C1QTNF12: variants seen among roughly 807,000 people sequenced by gnomAD.
C1QTNF12 encodes the protein adipolin.
In C1QTNF12, 39 loss-of-function variants were observed where a neutral mutation model predicts 34.3. The observed-to-expected ratio is 1.14, with a 90% CI of 0.88 to 1.49. The LOEUF is 1.49. Ranked by LOEUF, C1QTNF12 falls within the 40% of genes most tolerant of loss-of-function variation. The probability of loss-of-function intolerance (pLI) is 0.00; values close to 1 mark genes in which losing one functional copy is unlikely to be tolerated. For missense variants in C1QTNF12, 497 were observed against 424.7 expected, an observed-to-expected ratio of 1.17 and a Z score of -1.50; for synonymous variants, 220 against 196.9, an observed-to-expected ratio of 1.12 and a Z score of -0.98.
At chr1:1,247,249 C>G (rs577786879), upstream of C1QTNF12, among the ~76,000 whole-genome samples, 754 of 152,336 alleles carry the variant, frequency 4.9e-3, 6 homozygotes, top group African/African-American at 0.017. Flanking sequence ...GGGCAGCTAC[C>G]AGCCAGCCAA....
Position 1,243,467 on chromosome 1 carries a change from T to TG in C1QTNF12, c.616dup (p.Gln206ProfsTer12). ...ACCCACGTGCAGACTGGCAGAGAAC[T>TG]GGAAGATGCCGGACACGGGGGCCGT... is the stretch of plus-strand genomic sequence containing the variant. On this transcript the variant is annotated frameshift_variant, in exon 5 of 8. Transcript: ENST00000330388. LOFTEE classifies it high-confidence loss of function. 6 of 1,558,564 alleles carry TG rather than the reference T, an allele frequency of 3.8e-6. No homozygotes were observed. The highest frequency in any genetic ancestry group is 5.2e-6 in the Non-Finnish European group (6 of 1,151,314).
chr1:1,243,128 G>T lies in C1QTNF12; in HGVS notation c.665C>A (p.Ala222Asp). ...CACCACGTCCCGGGCCCGCAGCCGG[G>T]CCTTGCCCTGCAGCTCACTGTGGTC... Reference protein sequence around the residue: ...HVDHSELQGKARLRARDVVCV... With the variant: ...HVDHSELQGKDRLRARDVVCV... The change falls in exon 6 of 8, where the codon GCC (alanine) becomes GAC (aspartate). Residue 222 changes from alanine to aspartate, a missense_variant. Ala to Asp is a moderately radical substitution (Grantham distance 126). Transcript: ENST00000330388. 6.3e-7 allele frequency: 1 copy of T among 1,582,174 alleles called. No homozygotes were observed. Among genetic ancestry groups the T allele is most frequent in the East Asian group, 2.3e-5 (1 of 43,102 alleles).
rs772931967 is a variant in C1QTNF12 at position 1,242,660 on chromosome 1, G to A, written c.811-14C>T. On this transcript the variant is annotated splice_polypyrimidine_tract_variant and intron_variant, in intron 7 of 7. Coordinates refer to ENST00000330388, the MANE Select transcript of C1QTNF12 (RefSeq NM_001014980.3). ...GTACTGTCCAGCCTGTAAGAAGCACGGGGACGTCACAACCGCAGCCACAGC... is the reference window on the plus strand; with the variant it reads ...GTACTGTCCAGCCTGTAAGAAGCACAGGGACGTCACAACCGCAGCCACAGC... 123 of 1,582,514 alleles carry A rather than the reference G, an allele frequency of 7.8e-5. No individual in the cohort carries two copies. The highest frequency in any genetic ancestry group is 9.8e-5 in the Non-Finnish European group (114 of 1,164,570).
In C1QTNF12 at chr1:1,244,175, G is replaced by A. The variant is rs111528198; in HGVS notation, c.379+16C>T. On this transcript the variant is annotated intron_variant, in intron 3 of 7. Transcript: ENST00000330388. ...CCCAGGCACGTCTGGTCTCTGGGCA[G>A]TGCAGGGCGGCTGACCTTTCAGCAG... 25 of 1,572,988 alleles carry A rather than the reference G, an allele frequency of 1.6e-5. No individual in the cohort carries two copies. Among genetic ancestry groups the A allele is most frequent in the South Asian group, 1.2e-4 (10 of 83,878 alleles).
intron 4 of C1QTNF12, 129 bp downstream of exon 4, chr1:1,243,825 C>G (rs1465347104): frequency 2.4e-6 from 3 of 1,249,500 alleles, no homozygotes; most frequent in Non-Finnish European, 3.3e-6. Flanking sequence ...GGCAGCCCCT[C>G]GCCCTCCGAG....
In C1QTNF12 at chr1:1,243,495, A is replaced by C; in HGVS notation, c.589T>G (p.Phe197Val). The C allele has an allele frequency of 1.3e-6, 2 of 1,560,250 alleles. No homozygotes were observed. Among genetic ancestry groups the C allele is most frequent in the South Asian group, 2.3e-5 (2 of 85,112 alleles). Residue 197 changes from phenylalanine (F) to valine (V), a missense_variant, in exon 5 of 8, where the codon TTC becomes GTC. Transcript: ENST00000330388. ...AAGATGCCGGACACGGGGGCCGTGA[A>C]CCGACCCGAGGCCAGGCTCAGACCG... ...GSGLSLASGR[F>V]TAPVSGIFQF...
chr1:1,242,803 A>C, intron 7 of C1QTNF12, 32 bp downstream of exon 7: 1 of 1,607,980 alleles, frequency 6.2e-7, no homozygotes, highest in African/African-American at 1.3e-5. Flanking sequence ...AGTGCACCCG[A>C]GCCCTCCCGC....
chr1:1,244,902 A>T (rs1052266276), intron 1 of C1QTNF12, among the ~76,000 whole-genome samples: 1 of 10,628 alleles, frequency 9.4e-5, no homozygotes, highest in Non-Finnish European at 1.7e-4. Flanking sequence ...CTCCTTTCCC[A>T]CCTCCCCCTC....
chr1:1,246,100 G>T lies in C1QTNF12; in HGVS notation c.177+414C>A, dbSNP rs967536309. Among the ~76,000 whole-genome samples the T allele has an allele frequency of 1.3e-5, 2 of 152,170 alleles. No homozygotes were observed. The highest frequency in any genetic ancestry group is 2.9e-5 in the Non-Finnish European group (2 of 68,022). ...CTCGCCATGGCGTCTCCAGCCGCAGGAGTCATGGGGCGCTGGACTCCCAAG... is the reference window on the plus strand; with the variant it reads ...CTCGCCATGGCGTCTCCAGCCGCAGTAGTCATGGGGCGCTGGACTCCCAAG... On this transcript the variant is annotated intron_variant, in intron 1 of 7. Transcript: ENST00000330388. The surrounding 1 kb of genome is among the most constrained non-coding windows in gnomAD (Gnocchi z 4.5).
intron 1 of C1QTNF12, among the ~76,000 whole-genome samples, chr1:1,244,881 C>T (rs1225264538): frequency 2.0e-5 from 1 of 49,320 alleles, no homozygotes; most frequent in Non-Finnish European, 4.0e-5. Context: ...CACTCATCTC[C>T]CTCCTCTCCC....
At position 1,246,538 on chromosome 1, in the gene C1QTNF12, G is replaced by C. The variant is rs1053412858; in HGVS notation, c.153C>G (p.Arg51=). The C allele has an allele frequency of 1.6e-6, 2 of 1,237,066 alleles. No homozygotes were observed. Among genetic ancestry groups the C allele is most frequent in the African/African-American group, 1.6e-5 (1 of 64,394 alleles). The allele number at this position is 1,237,066 out of a possible 1,614,324, so 76.6% of individuals were successfully genotyped here. A position where few individuals can be genotyped will look rare whatever the true frequency, so the allele number is the denominator to read the frequency against. The change falls in exon 1 of 8, where the codon CGC becomes CGG. Residue 51 remains arginine (R), a synonymous_variant. Transcript: ENST00000330388. The surrounding 1 kb of genome is among the most constrained non-coding windows in gnomAD (Gnocchi z 4.5). ...PPNATASASS[R]EGLPEAPKPS... ...CCTTGGGGGCCTCGGGCAGCCCCTC[G>C]CGGGAGGACGCGCTGGCGGTGGCGT...
chr1:1,246,646 C>A lies in C1QTNF12; in HGVS notation c.45G>T (p.Pro15=). The A allele has an allele frequency of 8.1e-7, 1 of 1,234,408 alleles. No homozygotes were observed. The highest frequency in any genetic ancestry group is 1.0e-6 in the Non-Finnish European group (1 of 989,194). 76.5% of individuals were successfully genotyped at this position (1,234,408 alleles called of 1,614,324 possible). A position where few individuals can be genotyped will look rare whatever the true frequency, so the allele number is the denominator to read the frequency against. Residue 15 remains proline (P), a synonymous_variant, in exon 1 of 8, where the codon CCG becomes CCT. Coordinates refer to ENST00000330388, the MANE Select transcript of C1QTNF12 (RefSeq NM_001014980.3). This position sits in a 1 kb window ranked among gnomAD's most constrained non-coding sequence, Gnocchi z 4.5. ...AWAAVVVLLG[P]QLVLLGGVGA... is the part of the protein sequence containing the mutation. ...CGACGCCCCCGAGGAGCACGAGCTG[C>A]GGCCCGAGGAGGACCACGACCGCGG...
At chr1:1,243,852 C>CCCA in intron 4 of C1QTNF12, 102 bp downstream of exon 4, 1 of 1,435,920 alleles carries the variant, frequency 7.0e-7, no homozygotes, top group Non-Finnish European at 9.4e-7. Context: ...CCCCAGCCCC[C>CCCA]AACCCACATG....
At chr1:1,243,363 CG>C in intron 5 of C1QTNF12, 80 bp downstream of exon 5, 3 of 1,344,766 alleles carry the variant, frequency 2.2e-6, no homozygotes, top group African/African-American at 1.5e-5. Flanking sequence ...GACCCGCACC[CG>C]GGGCCGGCGA....
intron 5 of C1QTNF12, 127 bp from the exon 6 acceptor site, chr1:1,243,279 G>T: frequency 1.0e-6 from 1 of 1,001,394 alleles, no homozygotes; most frequent in Non-Finnish European, 1.5e-6. Flanking sequence ...GGGGGCGCCT[G>T]AGGCCAGGCG....
rs770260130 is a variant in C1QTNF12, at chr1:1,244,059, G to C, written c.426C>G (p.Pro142=). 37 of 1,597,842 alleles carry C rather than the reference G, an allele frequency of 2.3e-5. No individual in the cohort carries two copies. The highest frequency in any genetic ancestry group is 3.1e-5 in the Non-Finnish European group (36 of 1,172,852). The change falls in exon 4 of 8, where the codon CCC becomes CCG. Residue 142 remains proline, a synonymous_variant. Transcript: ENST00000330388. ...RFSGLLDPLL[P]QGAGLRLVGE... is the part of the protein sequence containing the mutation. ...CCACCAGCCGCAGGCCCGCCCCCTG[G>C]GGCAGCAGCGGGTCCAGAAGCCCTG...
rs1324729730 is a variant in C1QTNF12 at position 1,244,201 on chromosome 1, C to T, written c.369G>A (p.Glu123=). The change falls in exon 3 of 8, where the codon GAG becomes GAA. Residue 123 remains glutamate, a synonymous_variant. Coordinates refer to ENST00000330388, the MANE Select transcript of C1QTNF12 (RefSeq NM_001014980.3). ...TAETLLHEFQ[E]LLKEATERRF... The stretch of plus-strand genomic sequence containing the variant: ...TGCAGGGCGGCTGACCTTTCAGCAG[C>T]TCCTGAAACTCGTGAAGCAGAGTCT... The T allele has an allele frequency of 6.3e-7, 1 of 1,588,894 alleles. No individual in the cohort carries two copies.
At chr1:1,244,618 C>A in intron 1 of C1QTNF12, 121 bp from the exon 2 acceptor site, 1 of 760,526 alleles carries the variant, frequency 1.3e-6, no homozygotes, top group Middle Eastern at 3.8e-4. Flanking sequence ...GGAGAAGGAC[C>A]CACGGCCGCC....
rs1402401435 is a variant in C1QTNF12, at chr1:1,242,903, C to T, written c.742G>A (p.Ala248Thr). 2.5e-6 allele frequency: 4 copies of T among 1,612,164 alleles called. No homozygotes were observed. Among genetic ancestry groups the T allele is most frequent in the Non-Finnish European group, 3.4e-6 (4 of 1,179,724 alleles). ...SLCQRHTCLE[A>T]VSGLESNSRV... is the part of the protein sequence containing the mutation. The stretch of plus-strand genomic sequence containing the variant: ...CTGTTGCTCTCCAGGCCTGAGACGG[C>T]CTCCAGGCACCTGAACACAGCCCCA... Residue 248 changes from alanine (A) to threonine (T), a missense_variant, in exon 7 of 8, where the codon GCC becomes ACC. By Grantham distance (58) the Ala-to-Thr change is moderately conservative (BLOSUM62 0). Coordinates refer to ENST00000330388, the MANE Select transcript of C1QTNF12 (RefSeq NM_001014980.3).
Sources: gnomAD v4.1 joint callset for allele counts (sites outside exome capture counted in the v4.1 genomes callset) on GRCh38, gnomAD v4.1.1 for gene constraint, Gnocchi (gnomAD v3.1) non-coding constraint, MANE v1.5 for transcripts, NCBI Gene and HGNC (gene_info 2026-07-23, HGNC 2026-07-21) for gene names.